GPX3: variants seen among roughly 807,000 people sequenced by gnomAD.
GPX3 encodes glutathione peroxidase 3.
A neutral mutation model predicts 25.1 loss-of-function variants in GPX3; 22 were observed. That is an observed-to-expected ratio of 0.88 (90% CI 0.63 to 1.25). The LOEUF is 1.25. Ranked by LOEUF, GPX3 falls within the 50% of genes most tolerant of loss-of-function variation. The pLI, the probability that GPX3 is intolerant of heterozygous loss-of-function variation, is 0.00. For synonymous variants in GPX3, 110 were observed against 114.5 expected, an observed-to-expected ratio of 0.96 and a Z score of 0.25; for missense variants, 278 against 286.6, an observed-to-expected ratio of 0.97 and a Z score of 0.22.
rs754105125 is a variant in GPX3 at position 151,027,452 on chromosome 5, G to A, written c.380G>A (p.Gly127Asp). The A allele has an allele frequency of 6.1e-5, 98 of 1,613,438 alleles. 1 individual carries two copies. In the South Asian group the frequency reaches 9.9e-4, roughly 16 times the overall value. Reference sequence around the variant, plus strand: ...AACAGGTATGTCCGACCAGGTGGAGGCTTTGTCCCTAATTTCCAGCTCTTT... The same window carrying A: ...AACAGGTATGTCCGACCAGGTGGAGACTTTGTCCCTAATTTCCAGCTCTTT... The part of the protein sequence containing the change: ...PTLKYVRPGG[G>D]FVPNFQLFEK... Residue 127 changes from glycine (G) to aspartate (D), a missense_variant, in exon 4 of 5, where the codon GGC becomes GAC. Transcript: ENST00000388825.
Position 151,021,071 on chromosome 5 carries a change from G to A in GPX3, c.87+330G>A, listed in dbSNP as rs535267235. 1.7e-3 allele frequency: 576 copies of A among 346,310 alleles called. 6 individuals are homozygous for A. Among genetic ancestry groups the A allele is most frequent in the Non-Finnish European group, 2.0e-3 (369 of 183,830 alleles). The allele number at this position is 346,310 out of a possible 1,614,324, so 21.5% of individuals were successfully genotyped here. ...CTTGCTACATCTATGTCACCTCCGT[G>A]CCTGAGCTGCTCCCCTTCAGTAGGG... On this transcript the variant is annotated intron_variant, in intron 1 of 4. Coordinates refer to ENST00000388825, the MANE Select transcript of GPX3 (RefSeq NM_002084.5).
chr5:151,021,692 G>A (rs144615471), intron 1 of GPX3: 1,728 of 152,714 alleles, frequency 0.011, 21 homozygotes, highest in Middle Eastern at 0.031. Context: ...GGATGACCCA[G>A]CATGCTTATC....
intron 1 of GPX3, chr5:151,021,037 G>A (rs1274955977): frequency 2.3e-6 from 1 of 426,258 alleles, no homozygotes; most frequent in Non-Finnish European, 4.3e-6. Context: ...CTGCCACCTC[G>A]AGGGTCGCCT....
chr5:151,020,690 C>T lies in GPX3; in HGVS notation c.36C>T (p.Ser12=), dbSNP rs754825679. 1 of 1,611,884 alleles carries T rather than the reference C, an allele frequency of 6.2e-7. No individual in the cohort carries two copies. The change falls in exon 1 of 5, where the codon TCC becomes TCT. Residue 12 remains serine (S), a synonymous_variant. Coordinates refer to ENST00000388825, the MANE Select transcript of GPX3 (RefSeq NM_002084.5). The stretch of plus-strand genomic sequence containing the variant: ...TGCTGCAGGCGTCCTGCCTGCTTTC[C>T]CTGCTCCTGGCCGGCTTCGTCTCGC... ...ARLLQASCLL[S]LLLAGFVSQS... is the part of the protein sequence containing the mutation.
Position 151,025,361 on chromosome 5 carries a change from A to C in GPX3, c.109A>C (p.Ser37Arg). 3 of 1,600,546 alleles carry C rather than the reference A, an allele frequency of 1.9e-6. No homozygotes were observed. The highest frequency in any genetic ancestry group is 2.6e-6 in the Non-Finnish European group (3 of 1,172,502). ...KSKMDCHGGI[S>R]GTIYEYGALT... ...CCAGATGGACTGCCATGGTGGCATA[A>C]GTGGCACCATTTACGAGTACGGAGC... The change falls in exon 2 of 5, where the codon AGT becomes CGT. Residue 37 changes from serine to arginine, a missense_variant. Transcript: ENST00000388825.
At position 151,020,745 on chromosome 5, in the gene GPX3, A is replaced by G; in HGVS notation, c.87+4A>G. 1.9e-6 allele frequency: 3 copies of G among 1,610,538 alleles called. No individual in the cohort carries two copies. The highest frequency in any genetic ancestry group is 2.5e-6 in the Non-Finnish European group (3 of 1,178,802). Reference sequence around the variant, plus strand: ...CCGGGGACAAGAGAAGTCGAAGGTGAGTGAGCCTCCGGGCCGGGGGCCGGG... The same window carrying G: ...CCGGGGACAAGAGAAGTCGAAGGTGGGTGAGCCTCCGGGCCGGGGGCCGGG... On this transcript the variant is annotated splice_donor_region_variant and intron_variant, in intron 1 of 4. Transcript: ENST00000388825.
intron 1 of GPX3, among the ~76,000 whole-genome samples, chr5:151,023,187 G>A (rs1440988923): frequency 2.6e-5 from 4 of 152,032 alleles, no homozygotes; most frequent in African/African-American, 4.8e-5. Context: ...TTTCAGATGC[G>A]GTGCTCTGGG....
chr5:151,027,316 C>T, intron 3 of GPX3, 116 bp from the exon 4 acceptor site: 1 of 708,812 alleles, frequency 1.4e-6, no homozygotes, highest in East Asian at 2.5e-5. Flanking sequence ...GCTCCTGCTG[C>T]CCACTGCAGA....
At chr5:151,023,489 C>T (rs940546649) in intron 1 of GPX3, among the ~76,000 whole-genome samples, 2 of 152,184 alleles carry the variant, frequency 1.3e-5, no homozygotes, top group African/African-American at 4.8e-5. Context: ...ATAGGGTTCT[C>T]CTTGCCACAC....
At chr5:151,021,133 C>G in intron 1 of GPX3, 1 of 250,534 alleles carries the variant, frequency 4.0e-6, no homozygotes, top group Non-Finnish European at 7.9e-6. Flanking sequence ...AAATGCCCAG[C>G]GTCTGGGTGG....
intron 1 of GPX3, among the ~76,000 whole-genome samples, chr5:151,023,170 G>A (rs1756501135): frequency 6.6e-6 from 1 of 152,100 alleles, no homozygotes; most frequent in African/African-American, 2.4e-5. Flanking sequence ...ATCTCCTCTG[G>A]CCACTGTTTC....
chr5:151,026,901 A>G lies in GPX3; in HGVS notation c.243A>G (p.Glu81=), dbSNP rs1040119878. 1 of 1,611,088 alleles carries G rather than the reference A, an allele frequency of 6.2e-7. No individual in the cohort carries two copies. Among genetic ancestry groups the G allele is most frequent in the Non-Finnish European group, 8.5e-7 (1 of 1,177,600 alleles). Residue 81 remains glutamate (E), a splice_region_variant and synonymous_variant, in exon 3 of 5, where the codon GAA becomes GAG. Transcript: ENST00000388825. ...SYUGLTGQYI[E]LNALQEELAP... is the part of the protein sequence containing the mutation. Reference sequence around the variant, plus strand: ...ATCTGCTCTTTCTCTTTGGCCCAGAACTGAATGCACTACAGGAAGAGCTTG... The same window carrying G: ...ATCTGCTCTTTCTCTTTGGCCCAGAGCTGAATGCACTACAGGAAGAGCTTG...
rs1756601642 is a variant in GPX3 at position 151,028,455 on chromosome 5, C to T, written c.*325C>T. ...CTGTGTAGTGCTGGACAGTGACAAC[C>T]CTTTCTCTCCAGTTCTCCACTCCAA... On this transcript the variant is annotated 3_prime_UTR_variant, in exon 5 of 5. Transcript: ENST00000388825. The T allele has an allele frequency of 1.8e-5, 6 of 340,714 alleles. No homozygotes were observed. The highest frequency in any genetic ancestry group is 1.2e-4 in the South Asian group (4 of 34,426). 21.1% of individuals were successfully genotyped at this position (340,714 alleles called of 1,614,324 possible). A position where few individuals can be genotyped will look rare whatever the true frequency, so the allele number is the denominator to read the frequency against.
intron 2 of GPX3, chr5:151,026,450 A>C (rs1756549969): frequency 6.4e-6 from 1 of 155,604 alleles, no homozygotes; most frequent in Admixed American, 6.5e-5. Flanking sequence ...GGGGACACTG[A>C]GGAAACTGGG....
chr5:151,027,801 A>G lies in GPX3; in HGVS notation c.460-108A>G, dbSNP rs879155451. On this transcript the variant is annotated intron_variant, in intron 4 of 4. Coordinates refer to ENST00000388825, the MANE Select transcript of GPX3 (RefSeq NM_002084.5). ...TGGCGCTGGCAGTCTTCTAACTCCCAAACTGGGGCTCTTTTCTCAGGGCCA... is the reference window on the plus strand; with the variant it reads ...TGGCGCTGGCAGTCTTCTAACTCCCGAACTGGGGCTCTTTTCTCAGGGCCA... 3 of 952,648 alleles carry G rather than the reference A, an allele frequency of 3.1e-6. No homozygotes were observed. The South Asian group carries it at 4.0e-5, about 13-fold the overall frequency. The allele number at this position is 952,648 out of a possible 1,614,324, so 59.0% of individuals were successfully genotyped here.
chr5:151,020,868 C>T, intron 1 of GPX3, 127 bp downstream of exon 1: 2 of 909,818 alleles, frequency 2.2e-6, no homozygotes, highest in Non-Finnish European at 3.5e-6. Flanking sequence ...CGAGAGACCT[C>T]CTGAACCCCT....
intron 1 of GPX3, among the ~76,000 whole-genome samples, chr5:151,024,488 G>T (rs760007600): frequency 1.3e-5 from 2 of 152,114 alleles, no homozygotes; most frequent in Admixed American, 6.5e-5. Context: ...ACTCAGGTCC[G>T]AAGAAAAGAA....
chr5:151,020,598 C>T lies in GPX3; in HGVS notation c.-57C>T. On this transcript the variant is annotated 5_prime_UTR_variant, in exon 1 of 5. In the 5' UTR this introduces an upstream ATG that the reference lacks. Transcript: ENST00000388825. ...GGGAGCGCCGGACACCTCAGACGGACGGTGGCCAGGGATCAGGCAGCGGCT... is the reference window on the plus strand; with the variant it reads ...GGGAGCGCCGGACACCTCAGACGGATGGTGGCCAGGGATCAGGCAGCGGCT... 6.9e-7 allele frequency: 1 copy of T among 1,455,530 alleles called. No individual in the cohort carries two copies. Among genetic ancestry groups the T allele is most frequent in the Non-Finnish European group, 9.3e-7 (1 of 1,069,660 alleles). The allele number at this position is 1,455,530 out of a possible 1,614,324, so 90.2% of individuals were successfully genotyped here. A position where few individuals can be genotyped will look rare whatever the true frequency, so the allele number is the denominator to read the frequency against.
chr5:151,020,608 G>C lies in GPX3; in HGVS notation c.-47G>C. On this transcript the variant is annotated 5_prime_UTR_variant, in exon 1 of 5. Transcript: ENST00000388825. ...GACACCTCAGACGGACGGTGGCCAG[G>C]GATCAGGCAGCGGCTCAGGCGACCC... 1 of 1,520,936 alleles carries C rather than the reference G, an allele frequency of 6.6e-7. No individual in the cohort carries two copies. The highest frequency in any genetic ancestry group is 8.9e-7 in the Non-Finnish European group (1 of 1,118,732). 94.2% of individuals were successfully genotyped at this position (1,520,936 alleles called of 1,614,324 possible).
Sources: gnomAD v4.1 joint callset for allele counts (sites outside exome capture counted in the v4.1 genomes callset) on GRCh38, gnomAD v4.1.1 for gene constraint, MANE v1.5 for transcripts, NCBI Gene and HGNC (gene_info 2026-07-23, HGNC 2026-07-21) for gene names.